RBFOX1: variants seen among roughly 807,000 people sequenced by gnomAD.
RBFOX1 encodes the protein RNA binding protein fox-1 homolog 1.
In RBFOX1, 8 loss-of-function variants were observed where a neutral mutation model predicts 57.7. That is an observed-to-expected ratio of 0.14 (90% CI 0.08 to 0.25). The LOEUF is 0.25. Ranked by LOEUF, RBFOX1 falls within the 10% of genes least tolerant of loss-of-function variation. The probability of loss-of-function intolerance (pLI) is 1.00; values close to 1 mark genes in which losing one functional copy is unlikely to be tolerated. For missense variants in RBFOX1, 611 were observed against 548.5 expected, an observed-to-expected ratio of 1.11 and a Z score of -1.14; for synonymous variants, 326 against 222.4, an observed-to-expected ratio of 1.47 and a Z score of -4.15.
intron 2 of RBFOX1, among the ~76,000 whole-genome samples, chr16:5,502,163 G>A (rs1271342019): frequency 6.6e-6 from 1 of 152,140 alleles, no homozygotes; most frequent in Non-Finnish European, 1.5e-5. Context: ...ATCAAGAGAG[G>A]CTTCCTAGAG....
chr16:7,557,654 A>G (rs1209246132), intron 5 of RBFOX1, among the ~76,000 whole-genome samples: 1 of 137,644 alleles, frequency 7.3e-6, no homozygotes, highest in Non-Finnish European at 1.6e-5. Flanking sequence ...AAAAAGAAAA[A>G]AAAAAAGCAT....
At chr16:7,265,051 C>A (rs1195029976) in intron 4 of RBFOX1, among the ~76,000 whole-genome samples, 1 of 152,198 alleles carries the variant, frequency 6.6e-6, no homozygotes, top group Non-Finnish European at 1.5e-5. Context: ...TTCTTTTTGT[C>A]TTGAAATGAG....
intron 4 of RBFOX1, among the ~76,000 whole-genome samples, chr16:7,306,666 G>T (rs1352256270): frequency 2.0e-5 from 3 of 152,006 alleles, no homozygotes; most frequent in Non-Finnish European, 4.4e-5. Flanking sequence ...ATTTTTGCCT[G>T]TTTCATTCAG....
intron 2 of RBFOX1, among the ~76,000 whole-genome samples, chr16:5,572,864 G>A (rs976777494): frequency 1.3e-5 from 2 of 152,194 alleles, no homozygotes; most frequent in East Asian, 1.9e-4. Context: ...AAAGGCAAAG[G>A]TACTCAGGGT....
At chr16:6,537,687 C>G (rs1381752124) in intron 2 of RBFOX1, among the ~76,000 whole-genome samples, 2 of 152,104 alleles carry the variant, frequency 1.3e-5, no homozygotes, top group Non-Finnish European at 2.9e-5. Flanking sequence ...TTATAAACCT[C>G]TTACAAATAT....
intron 2 of RBFOX1, among the ~76,000 whole-genome samples, chr16:6,426,225 C>T (rs967271332): frequency 3.3e-5 from 5 of 151,332 alleles, no homozygotes; most frequent in Non-Finnish European, 5.9e-5. Context: ...CCTGTCTATG[C>T]AATAGACAAA....
At chr16:7,680,356 A>C (rs2074415511) in intron 14 of RBFOX1, among the ~76,000 whole-genome samples, 2 of 152,194 alleles carry the variant, frequency 1.3e-5, no homozygotes, top group Non-Finnish European at 2.9e-5. Flanking sequence ...GGCTTTGATG[A>C]AAGTGTTATC....
At chr16:5,785,930 G>T (rs759508528) in intron 3 of RBFOX1, among the ~76,000 whole-genome samples, 80 of 152,026 alleles carry the variant, frequency 5.3e-4, no homozygotes, top group Admixed American at 9.8e-4. Context: ...GTGGATTACT[G>T]AAACCACCCC....
intron 3 of RBFOX1, among the ~76,000 whole-genome samples, chr16:6,889,463 T>C (rs986790721): frequency 6.6e-6 from 1 of 152,210 alleles, no homozygotes; most frequent in Non-Finnish European, 1.5e-5. Context: ...CTTTGAGAAA[T>C]GGGCTTTTAG....
intron 4 of RBFOX1, among the ~76,000 whole-genome samples, chr16:5,965,548 G>A (rs1378642770): frequency 6.6e-6 from 1 of 152,094 alleles, no homozygotes; most frequent in Non-Finnish European, 1.5e-5. Context: ...AAAGAACCAG[G>A]AAATGTTCTG....
intron 12 of RBFOX1, among the ~76,000 whole-genome samples, chr16:7,660,691 G>C (rs1220559552): frequency 6.6e-6 from 1 of 152,196 alleles, no homozygotes; most frequent in East Asian, 1.9e-4. Flanking sequence ...GGGACCAATA[G>C]CATCCGCATC....
At chr16:7,030,787 G>A (rs181473145) in intron 3 of RBFOX1, among the ~76,000 whole-genome samples, 29 of 152,232 alleles carry the variant, frequency 1.9e-4, no homozygotes, top group African/African-American at 7.0e-4. Flanking sequence ...GTCTAATTAA[G>A]GCCCTCAAAT....
chr16:7,473,157 T>A (rs955005841), intron 4 of RBFOX1, among the ~76,000 whole-genome samples: 7 of 152,090 alleles, frequency 4.6e-5, no homozygotes, highest in African/African-American at 1.7e-4. Context: ...GTGGGTGAAT[T>A]GCTTTAAGCC....
At chr16:6,983,120 C>G (rs2089386393) in intron 3 of RBFOX1, among the ~76,000 whole-genome samples, 1 of 151,414 alleles carries the variant, frequency 6.6e-6, no homozygotes, top group Non-Finnish European at 1.5e-5. Context: ...TTCCAGATAC[C>G]AAAACTCTTA....
intron 1 of RBFOX1, among the ~76,000 whole-genome samples, chr16:5,423,506 C>A (rs1428376271): frequency 6.6e-6 from 1 of 152,194 alleles, no homozygotes; most frequent in Non-Finnish European, 1.5e-5. Flanking sequence ...TCCGCCACCA[C>A]CTGTCTCATG....
intron 4 of RBFOX1, among the ~76,000 whole-genome samples, chr16:5,924,690 C>T (rs1350687794): frequency 4.6e-5 from 7 of 152,190 alleles, no homozygotes; most frequent in Non-Finnish European, 7.3e-5. Flanking sequence ...TTCTAAATTA[C>T]CCAGCCTATG....
At chr16:7,597,515 G>A in intron 9 of RBFOX1, 84 bp downstream of exon 9, 3 of 1,263,728 alleles carry the variant, frequency 2.4e-6, no homozygotes, top group East Asian at 4.9e-5. Context: ...ATTACAACAA[G>A]CTGTGTTTGC....
intron 1 of RBFOX1, among the ~76,000 whole-genome samples, chr16:6,231,197 G>GGT (rs1333951748): frequency 2.7e-5 from 4 of 145,792 alleles, no homozygotes; most frequent in African/African-American, 7.6e-5. Flanking sequence ...GAGATAGAGG[G>GGT]GTGTGTGTGT....
chr16:5,454,884 TTCTTTCTTTC>T (rs1201928607), intron 1 of RBFOX1, among the ~76,000 whole-genome samples: 4 of 129,234 alleles, frequency 3.1e-5, no homozygotes, highest in Non-Finnish European at 5.0e-5. Flanking sequence ...CTTTCTTTCT[TTCTTTCTTTC>T]TTTCTTTCTT....
Sources: gnomAD v4.1 joint callset for allele counts (sites outside exome capture counted in the v4.1 genomes callset) on GRCh38, gnomAD v4.1.1 for gene constraint, MANE v1.5 for transcripts, NCBI Gene and HGNC (gene_info 2026-07-23, HGNC 2026-07-21) for gene names.